The following LRRC3B variants were observed in gnomAD, a reference collection of about 807,000 sequenced individuals.
The protein encoded by LRRC3B is leucine-rich repeat-containing protein 3B.
A neutral mutation model predicts 12.8 loss-of-function variants in LRRC3B; 2 were observed. The observed-to-expected ratio is 0.16, with a 90% confidence interval of 0.06 to 0.49. The LOEUF is 0.49. Ranked by LOEUF, LRRC3B falls within the 20% of genes least tolerant of loss-of-function variation. The pLI is 0.96. For missense variants in LRRC3B, 189 were observed against 319.4 expected, an observed-to-expected ratio of 0.59 and a Z score of 3.11; for synonymous variants, 132 against 122.0, an observed-to-expected ratio of 1.08 and a Z score of -0.54.
intron 1 of LRRC3B, among the ~76,000 whole-genome samples, chr3:26,703,117 A>G (rs1012241461): frequency 1.3e-5 from 2 of 152,152 alleles, no homozygotes; most frequent in African/African-American, 2.4e-5. Context: ...ATTCACTTGA[A>G]TTAGCCCTGT....
At chr3:26,644,034 A>G (rs1313485769) in intron 1 of LRRC3B, among the ~76,000 whole-genome samples, 1 of 152,234 alleles carries the variant, frequency 6.6e-6, no homozygotes, top group Non-Finnish European at 1.5e-5. Flanking sequence ...TTAGATGTGT[A>G]CGAATTATTT....
At chr3:26,656,655 A>C (rs535334492) in intron 1 of LRRC3B, among the ~76,000 whole-genome samples, 16 of 152,342 alleles carry the variant, frequency 1.1e-4, no homozygotes, top group Non-Finnish European at 2.1e-4. Flanking sequence ...AATTTTAGAG[A>C]GACCCGTATT....
chr3:26,701,445 A>C (rs894529227), intron 1 of LRRC3B: 5 of 152,218 alleles, frequency 3.3e-5, no homozygotes, highest in African/African-American at 1.2e-4. Context: ...CACTTGCTCG[A>C]AATCTAAGCA....
chr3:26,704,916 G>GCTAT (rs376248841), intron 1 of LRRC3B, among the ~76,000 whole-genome samples: 5 of 151,988 alleles, frequency 3.3e-5, no homozygotes, highest in African/African-American at 7.2e-5. Context: ...TTCCTGTTTT[G>GCTAT]CTATCTATTT....
intron 1 of LRRC3B, among the ~76,000 whole-genome samples, chr3:26,683,592 T>C (rs1389800052): frequency 3.3e-5 from 5 of 152,216 alleles, no homozygotes; most frequent in Admixed American, 3.3e-4. Flanking sequence ...TCCTTGTCCA[T>C]GAGGTTAGGA....
chr3:26,701,875 A>G (rs1032817317), intron 1 of LRRC3B, among the ~76,000 whole-genome samples: 32 of 152,170 alleles, frequency 2.1e-4, no homozygotes, highest in African/African-American at 7.0e-4. Context: ...AATTCCAAAA[A>G]AAGTTATATG....
intron 1 of LRRC3B, among the ~76,000 whole-genome samples, chr3:26,647,892 G>A (rs561512893): frequency 8.5e-5 from 13 of 152,232 alleles, no homozygotes; most frequent in Non-Finnish European, 1.6e-4. Flanking sequence ...GCTTCCCCGC[G>A]CCAAGCTTTG....
intron 1 of LRRC3B, among the ~76,000 whole-genome samples, chr3:26,707,815 C>CAAGT (rs915963702): frequency 6.6e-6 from 1 of 152,008 alleles, no homozygotes; most frequent in Admixed American, 6.5e-5. Flanking sequence ...CTAGAGTCCC[C>CAAGT]AAGTACCATG....
At chr3:26,701,169 C>T (rs1700443657) in intron 1 of LRRC3B, 1 of 152,082 alleles carries the variant, frequency 6.6e-6, no homozygotes, top group African/African-American at 2.4e-5. Flanking sequence ...AAGAGATTAA[C>T]AAAAACCCTG....
At chr3:26,696,206 C>T (rs561860902) in intron 1 of LRRC3B, among the ~76,000 whole-genome samples, 2 of 152,280 alleles carry the variant, frequency 1.3e-5, no homozygotes, top group African/African-American at 4.8e-5. Flanking sequence ...GAAAAAGAAA[C>T]ACAAAATTGT....
chr3:26,700,744 G>A (rs905666055), intron 1 of LRRC3B, among the ~76,000 whole-genome samples: 1 of 152,164 alleles, frequency 6.6e-6, no homozygotes, highest in Non-Finnish European at 1.5e-5. Context: ...GTAAAATGGT[G>A]TATGGTGCCA....
In LRRC3B at chr3:26,629,920, A is replaced by G. The variant is rs111588305; in HGVS notation, c.-161+6683A>G. Reference sequence around the variant, plus strand: ...CAATTGGCAGCAGACAACAGCAGAGAAAGGTGGGAAAGGTGGGGGCAGGAG... The same window carrying G: ...CAATTGGCAGCAGACAACAGCAGAGGAAGGTGGGAAAGGTGGGGGCAGGAG... On this transcript the variant is annotated intron_variant, in intron 1 of 1. Transcript: ENST00000396641. Among the ~76,000 whole-genome samples the G allele has an allele frequency of 2.8e-3, 418 of 151,108 alleles. 1 individual carries two copies. Among genetic ancestry groups the G allele is most frequent in the African/African-American group, 9.7e-3 (398 of 41,098 alleles).
intron 1 of LRRC3B, among the ~76,000 whole-genome samples, chr3:26,632,202 C>T (rs576342113): frequency 3.3e-5 from 5 of 152,330 alleles, no homozygotes; most frequent in African/African-American, 7.2e-5. Context: ...AATTGCCATG[C>T]GGGCAAGATG....
At chr3:26,628,380 C>A (rs1698675095) in intron 1 of LRRC3B, among the ~76,000 whole-genome samples, 1 of 139,946 alleles carries the variant, frequency 7.1e-6, no homozygotes, top group African/African-American at 2.7e-5. Context: ...GCAAGAGAAG[C>A]TAAATAATAA....
chr3:26,675,740 T>C (rs1699844169), intron 1 of LRRC3B, among the ~76,000 whole-genome samples: 1 of 152,220 alleles, frequency 6.6e-6, no homozygotes, highest in Non-Finnish European at 1.5e-5. Context: ...GGAAAATTGT[T>C]TTAAATTTGA....
intron 1 of LRRC3B, among the ~76,000 whole-genome samples, chr3:26,672,349 G>C (rs936368293): frequency 2.6e-5 from 4 of 152,188 alleles, no homozygotes; most frequent in Non-Finnish European, 5.9e-5. Flanking sequence ...TTATTCCTCA[G>C]TTGGTAGCTC....
chr3:26,701,391 C>G (rs926016214), intron 1 of LRRC3B: 1 of 152,184 alleles, frequency 6.6e-6, no homozygotes, highest in African/African-American at 2.4e-5. Flanking sequence ...ACCCTCCCCC[C>G]ATGTGGCTCC....
chr3:26,636,484 T>A (rs1358165751), intron 1 of LRRC3B, among the ~76,000 whole-genome samples: 2 of 152,220 alleles, frequency 1.3e-5, no homozygotes, highest in Admixed American at 1.3e-4. Context: ...TGGATGCAGA[T>A]GAGTTCAGAA....
intron 1 of LRRC3B, among the ~76,000 whole-genome samples, chr3:26,652,800 T>C (rs901473018): frequency 1.3e-5 from 2 of 152,168 alleles, no homozygotes; most frequent in African/African-American, 4.8e-5. Flanking sequence ...TTCTAACAGT[T>C]ATAACAGCAC....
Sources: gnomAD v4.1 joint callset for allele counts (sites outside exome capture counted in the v4.1 genomes callset) on GRCh38, gnomAD v4.1.1 for gene constraint, MANE v1.5 for transcripts, NCBI Gene and HGNC (gene_info 2026-07-23, HGNC 2026-07-21) for gene names.